Variants in RIC1 observed in about 807,000 individuals in gnomAD.
RIC1 encodes the protein RIC1 partner of RAB6A GEF complex, also known as guanine nucleotide exchange factor subunit RIC1.
In RIC1, 88 loss-of-function variants were observed where a neutral mutation model predicts 169.0. The ratio of observed to expected loss-of-function variants is 0.52; its 90% CI spans 0.44 to 0.62. The LOEUF (loss-of-function observed/expected upper bound fraction) is 0.62, where lower values mean the gene tolerates loss of function less well. Ranked by LOEUF, RIC1 falls within the 20% of genes least tolerant of loss-of-function variation. The pLI is 0.00. For missense variants in RIC1, 1,877 were observed against 1,725.5 expected (o/e 1.09, Z -1.56); for synonymous variants, 790 against 601.5 (o/e 1.31, Z -4.59).
At chr9:5,706,202 G>T (rs1822574958) in intron 3 of RIC1, among the ~76,000 whole-genome samples, 1 of 152,210 alleles carries the variant, frequency 6.6e-6, no homozygotes, top group African/African-American at 2.4e-5. Context: ...CTTAACGCCT[G>T]TAATCCCAGC....
intron 11 of RIC1, among the ~76,000 whole-genome samples, chr9:5,746,773 C>T (rs1825402921): frequency 6.6e-6 from 1 of 152,014 alleles, no homozygotes; most frequent in Non-Finnish European, 1.5e-5. Context: ...TAATACCTAC[C>T]ATCAATGGCT....
At chr9:5,746,135 A>C in intron 11 of RIC1, 52 bp downstream of exon 11, 1 of 1,457,414 alleles carries the variant, frequency 6.9e-7, no homozygotes, top group Non-Finnish European at 9.5e-7. Context: ...TTAGAAGCTC[A>C]GACCCTTCTT....
At chr9:5,738,664 T>C (rs1824885924) in intron 8 of RIC1, 126 bp downstream of exon 8, 1 of 492,860 alleles carries the variant, frequency 2.0e-6, no homozygotes, top group Non-Finnish European at 3.4e-6. Flanking sequence ...GGGCTCTGGG[T>C]GTGTAAACTG....
At chr9:5,697,232 A>G (rs1039573282) in intron 3 of RIC1, among the ~76,000 whole-genome samples, 2 of 152,096 alleles carry the variant, frequency 1.3e-5, no homozygotes, top group African/African-American at 4.8e-5. Flanking sequence ...TTTCTCCTCA[A>G]CTTAACAAGG....
Position 5,660,203 on chromosome 9 carries a change from G to T in RIC1, c.252+3513G>T, listed in dbSNP as rs572896176. 2.0e-5 allele frequency among the ~76,000 whole-genome samples: 3 copies of T among 152,280 alleles called. No homozygotes were observed. In the South Asian group the frequency reaches 6.2e-4, roughly 32 times the overall value. On this transcript the variant is annotated intron_variant, in intron 2 of 25. Coordinates refer to ENST00000414202, the MANE Select transcript of RIC1 (RefSeq NM_020829.4). ...TATGATCTTGTTCCTTTTTGTGGCT[G>T]CATAGTATTCCATCGTGTATATGTA...
chr9:5,668,937 A>G (rs1173354263), intron 2 of RIC1, among the ~76,000 whole-genome samples: 1 of 152,110 alleles, frequency 6.6e-6, no homozygotes, highest in African/African-American at 2.4e-5. Flanking sequence ...TGACTGGGCC[A>G]TACTTTTCTG....
intron 22 of RIC1, 75 bp downstream of exon 22, chr9:5,769,331 T>C (rs1299422880): frequency 4.3e-6 from 7 of 1,613,666 alleles, no homozygotes; most frequent in African/African-American, 1.3e-5. Flanking sequence ...TTGCTATTAG[T>C]TGATATTCAA....
At chr9:5,673,848 C>G (rs1420718662) in intron 2 of RIC1, among the ~76,000 whole-genome samples, 1 of 151,864 alleles carries the variant, frequency 6.6e-6, no homozygotes, top group Non-Finnish European at 1.5e-5. Flanking sequence ...CCAATGCAGA[C>G]ATTTAAAATC....
At chr9:5,687,764 G>T (rs1821340642) in intron 2 of RIC1, among the ~76,000 whole-genome samples, 1 of 152,104 alleles carries the variant, frequency 6.6e-6, no homozygotes, top group Non-Finnish European at 1.5e-5. Context: ...ATCTTTTAAA[G>T]AAATTTAAGT....
intron 21 of RIC1, among the ~76,000 whole-genome samples, chr9:5,767,661 C>T (rs997559746): frequency 3.3e-5 from 5 of 152,172 alleles, no homozygotes; most frequent in Non-Finnish European, 7.3e-5. Context: ...GATCTCGGCT[C>T]ATCGCAATCT....
chr9:5,640,788 A>T (rs1818199753), intron 1 of RIC1, among the ~76,000 whole-genome samples: 1 of 152,142 alleles, frequency 6.6e-6, no homozygotes, highest in South Asian at 2.1e-4. Context: ...TCCAGTGTTG[A>T]TGAACTCTCT....
Position 5,775,913 on chromosome 9 carries a change from GATA to G in RIC1, c.*1670_*1672del, listed in dbSNP as rs1827557442. The G allele has an allele frequency of 6.6e-6, 1 of 152,098 alleles. No homozygotes were observed. Among genetic ancestry groups the G allele is most frequent in the Admixed American group, 6.5e-5 (1 of 15,270 alleles). 9.4% of individuals were successfully genotyped at this position (152,098 alleles called of 1,614,324 possible). A position where few individuals can be genotyped will look rare whatever the true frequency, so the allele number is the denominator to read the frequency against. On this transcript the variant is annotated 3_prime_UTR_variant, in exon 26 of 26. Transcript: ENST00000414202. ...AAACCACCTTTCCCTGAATCTTAAA[GATA>G]ATGTTTTGCATGTGAGTACATGCAG...
intron 6 of RIC1, among the ~76,000 whole-genome samples, chr9:5,729,528 G>A (rs765212448): frequency 1.2e-4 from 18 of 151,866 alleles, no homozygotes; most frequent in East Asian, 3.8e-4. Context: ...TTCTAATGCC[G>A]CCTCCTATTA....
At chr9:5,686,486 A>G (rs1245507096) in intron 2 of RIC1, among the ~76,000 whole-genome samples, 2 of 152,194 alleles carry the variant, frequency 1.3e-5, no homozygotes, top group South Asian at 4.1e-4. Context: ...AGAGACATGG[A>G]TGAAATTGGA....
chr9:5,694,682 C>A (rs1267841336), intron 3 of RIC1, among the ~76,000 whole-genome samples: 1 of 152,148 alleles, frequency 6.6e-6, no homozygotes, highest in Non-Finnish European at 1.5e-5. Flanking sequence ...GCACCTGAAT[C>A]CAAAGAATGG....
intron 3 of RIC1, among the ~76,000 whole-genome samples, chr9:5,701,995 A>G (rs1253655855): frequency 6.6e-6 from 1 of 152,214 alleles, no homozygotes; most frequent in African/African-American, 2.4e-5. Flanking sequence ...AAGGCCTCCA[A>G]GGGGACACTC....
intron 4 of RIC1, among the ~76,000 whole-genome samples, chr9:5,718,099 C>T (rs563101056): frequency 2.4e-5 from 3 of 124,948 alleles, no homozygotes; most frequent in African/African-American, 9.6e-5. Context: ...GAGATGGTAC[C>T]ACTGCACTCC....
chr9:5,700,276 A>G (rs1464001232), intron 3 of RIC1, among the ~76,000 whole-genome samples: 3 of 152,178 alleles, frequency 2.0e-5, no homozygotes, highest in Admixed American at 2.0e-4. Context: ...AATTTAGAAC[A>G]TTATTGAGGG....
intron 6 of RIC1, among the ~76,000 whole-genome samples, chr9:5,725,691 C>CATTT (rs546463392): frequency 3.0e-4 from 46 of 152,090 alleles, no homozygotes; most frequent in Non-Finnish European, 5.0e-4. Context: ...CTGTTGTGGG[C>CATTT]ATTTAATCCT....
Sources: gnomAD v4.1 joint callset for allele counts (sites outside exome capture counted in the v4.1 genomes callset) on GRCh38, gnomAD v4.1.1 for gene constraint, MANE v1.5 for transcripts, NCBI Gene and HGNC (gene_info 2026-07-23, HGNC 2026-07-21) for gene names.